Variants in REPS2 observed in about 807,000 individuals in gnomAD.
The protein encoded by REPS2 is ralBP1-associated Eps domain-containing protein 2.
In REPS2, 23 loss-of-function variants were observed where a neutral mutation model predicts 53.6. The observed-to-expected ratio is 0.43, with a 90% CI of 0.31 to 0.61. REPS2 has a LOEUF of 0.61. REPS2 is among the 20% of genes least tolerant of loss of function. REPS2 has a pLI of 0.11. For synonymous variants in REPS2, 238 were observed against 218.6 expected (o/e 1.09, Z -0.78); for missense variants, 446 against 534.9 (o/e 0.83, Z 1.64).
chrX:17,008,498 A>C (rs886708385), intron 2 of REPS2, among the ~76,000 whole-genome samples: 4 of 112,123 alleles, frequency 3.6e-5, no homozygotes, highest in Admixed American at 9.5e-5. Flanking sequence ...TTTATTTTAT[A>C]AACCCAGTTG....
At chrX:16,965,564 G>A (rs2060749347) in intron 1 of REPS2, among the ~76,000 whole-genome samples, 1 of 110,847 alleles carries the variant, frequency 9.0e-6, no homozygotes, top group African/African-American at 3.3e-5. Context: ...CGTCCGGGCA[G>A]AGACGCTCCT....
chrX:17,061,018 A>G (rs2062151352), intron 8 of REPS2, among the ~76,000 whole-genome samples: 1 of 110,839 alleles, frequency 9.0e-6, no homozygotes, highest in Non-Finnish European at 1.9e-5. Flanking sequence ...GAGATTTAGC[A>G]GGTAATTGAC....
At chrX:16,996,613 G>A (rs1022846550) in intron 1 of REPS2, among the ~76,000 whole-genome samples, 2 of 112,224 alleles carry the variant, frequency 1.8e-5, no homozygotes, top group Non-Finnish European at 3.8e-5. Context: ...AGTGAAGTTA[G>A]ATTGCCTATC....
the REPS2 span, among the ~76,000 whole-genome samples, chrX:17,162,466 G>A: frequency 1.9e-4 from 21 of 112,875 alleles, no homozygotes; most frequent in Admixed American, 2.0e-3. Flanking sequence ...ATGTTCACAT[G>A]TACAGGTTTG....
chrX:17,135,183 G>T, intron 15 of REPS2, 78 bp from the exon 16 acceptor site: 1 of 1,061,579 alleles, frequency 9.4e-7, no homozygotes, highest in Non-Finnish European at 1.3e-6. Context: ...CTAAAGGCAT[G>T]TGGGACACTG....
intron 1 of REPS2, among the ~76,000 whole-genome samples, chrX:16,955,494 A>ATG (rs1382279757): frequency 8.9e-6 from 1 of 112,036 alleles, no homozygotes; most frequent in Non-Finnish European, 1.9e-5. Context: ...AGTTTCATAA[A>ATG]GCCACAATCA....
intron 1 of REPS2, among the ~76,000 whole-genome samples, chrX:16,977,065 C>T (rs1039293252): frequency 5.4e-5 from 6 of 111,803 alleles, no homozygotes; most frequent in African/African-American, 1.3e-4. Flanking sequence ...CCATTTGCAG[C>T]GTTTCTCTGG....
chrX:16,947,824 C>T (rs1448153621), intron 1 of REPS2, among the ~76,000 whole-genome samples: 1 of 111,734 alleles, frequency 8.9e-6, no homozygotes, highest in Non-Finnish European at 1.9e-5. Context: ...AGTTTCCCAT[C>T]TATCATTACT....
rs1363304940 is a variant in REPS2, at chrX:16,947,198, C to A, written c.273+64C>A. 4.2e-6 allele frequency: 4 copies of A among 950,745 alleles called. No homozygotes were observed. In the African/African-American group the frequency reaches 8.3e-5, roughly 20 times the overall value. 78.4% of individuals were successfully genotyped at this position (950,745 alleles called of 1,213,427 possible). ...GCAGTGTGTGCGGGGGCGGAGGTTG[C>A]GAGTGGGGCGACAGGGCTGCCCCCA... On this transcript the variant is annotated intron_variant, in intron 1 of 17. Coordinates refer to ENST00000357277, the MANE Select transcript of REPS2 (RefSeq NM_004726.3).
rs757355242 is a variant in REPS2, at chrX:17,068,481, G to A, written c.1279+10G>A. The stretch of plus-strand genomic sequence containing the variant: ...AGTGATGACAAACAAGGTAGGAGAA[G>A]AATGAGTTTTCTTCTTTAACCAGCG... On this transcript the variant is annotated intron_variant, in intron 10 of 17. Transcript: ENST00000357277. The A allele has an allele frequency of 8.4e-7, 1 of 1,184,973 alleles. No individual in the cohort carries two copies. Among genetic ancestry groups the A allele is most frequent in the Non-Finnish European group, 1.1e-6 (1 of 873,457 alleles).
intron 5 of REPS2, among the ~76,000 whole-genome samples, chrX:17,031,231 T>C (rs1237167725): frequency 8.9e-6 from 1 of 111,733 alleles, no homozygotes; most frequent in Non-Finnish European, 1.9e-5. Context: ...TCCTACAGAG[T>C]GTGTCCTGGG....
chrX:17,114,344 A>G (rs1272931261), intron 14 of REPS2, among the ~76,000 whole-genome samples: 5 of 111,758 alleles, frequency 4.5e-5, no homozygotes, highest in Non-Finnish European at 9.4e-5. Flanking sequence ...TGTTTTTATA[A>G]GTTTTTATAT....
At position 16,979,318 on chromosome X, in the gene REPS2, C is replaced by G. The variant is rs1044503084; in HGVS notation, c.274-26903C>G. Among the ~76,000 whole-genome samples the G allele has an allele frequency of 2.7e-5, 3 of 111,912 alleles. No homozygotes were observed. The Admixed American group carries it at 2.8e-4, about 11-fold the overall frequency. ...TGATCCAATGGGAACTGAATGTTTTCAATTAGGATGTTTCCATGGATACTA... is the reference window on the plus strand; with the variant it reads ...TGATCCAATGGGAACTGAATGTTTTGAATTAGGATGTTTCCATGGATACTA... On this transcript the variant is annotated intron_variant, in intron 1 of 17. Transcript: ENST00000357277.
intron 10 of REPS2, 80 bp from the exon 11 acceptor site, chrX:17,069,860 C>T (rs2147974736): frequency 1.8e-6 from 1 of 552,154 alleles, no homozygotes; most frequent in Non-Finnish European, 2.7e-6. Context: ...ATCCAATTTG[C>T]CTCAGAAATA....
chrX:16,985,319 A>C (rs1407942133), intron 1 of REPS2, among the ~76,000 whole-genome samples: 2 of 112,203 alleles, frequency 1.8e-5, no homozygotes, highest in Non-Finnish European at 3.8e-5. Flanking sequence ...TTTGCACTTC[A>C]GGAATCAACC....
At chrX:17,156,409 C>CATATATAT (rs765156297), downstream of REPS2, among the ~76,000 whole-genome samples, 3 of 105,307 alleles carry the variant, frequency 2.8e-5, no homozygotes, top group African/African-American at 1.0e-4. Context: ...ATATGTAATA[C>CATATATAT]ATATATATAT....
intron 17 of REPS2, among the ~76,000 whole-genome samples, chrX:17,143,994 A>C (rs2063480264): frequency 8.9e-6 from 1 of 112,572 alleles, no homozygotes; most frequent in Non-Finnish European, 1.9e-5. Context: ...TTAGAAGTTC[A>C]TTGTACGTTG....
chrX:17,101,279 G>A (rs193124155), intron 13 of REPS2, among the ~76,000 whole-genome samples: 1 of 109,264 alleles, frequency 9.2e-6, no homozygotes, highest in African/African-American at 3.3e-5. Flanking sequence ...AGCCAGGATG[G>A]TCTCGATCTC....
chrX:17,115,349 A>G (rs1569184842), intron 14 of REPS2, among the ~76,000 whole-genome samples: 3 of 112,398 alleles, frequency 2.7e-5, no homozygotes, highest in African/African-American at 9.7e-5. Flanking sequence ...AAACATCTCA[A>G]TGCGTTAGAG....
Sources: gnomAD v4.1 joint callset for allele counts (sites outside exome capture counted in the v4.1 genomes callset) on GRCh38, gnomAD v4.1.1 for gene constraint, MANE v1.5 for transcripts, NCBI Gene and HGNC (gene_info 2026-07-23, HGNC 2026-07-21) for gene names.